AGMO: variants seen among roughly 807,000 people sequenced by gnomAD.
AGMO encodes the protein alkylglycerol monooxygenase.
AGMO carries 75 observed loss-of-function variants against 60.2 expected under a neutral mutation model. The ratio of observed to expected loss-of-function variants is 1.25; its 90% CI spans 1.03 to 1.51. The LOEUF is 1.51. Ranked by LOEUF, AGMO falls within the 40% of genes most tolerant of loss-of-function variation. The pLI, the probability that AGMO is intolerant of heterozygous loss-of-function variation, is 0.00. For synonymous variants in AGMO, 261 were observed against 177.1 expected, an observed-to-expected ratio of 1.47 and a Z score of -3.76; for missense variants, 763 against 525.5, an observed-to-expected ratio of 1.45 and a Z score of -4.42.
chr7:15,352,954 GCCA>G (rs1396085829), intron 12 of AGMO, among the ~76,000 whole-genome samples: 4 of 152,054 alleles, frequency 2.6e-5, no homozygotes, highest in Admixed American at 6.6e-5. Context: ...AAACGCAGCG[GCCA>G]TCTTGTTACT....
At chr7:15,233,739 G>A (rs754887231) in intron 12 of AGMO, among the ~76,000 whole-genome samples, 1 of 152,128 alleles carries the variant, frequency 6.6e-6, no homozygotes, top group Non-Finnish European at 1.5e-5. Flanking sequence ...CTGGTGAAAC[G>A]TAAGAATTTA....
intron 10 of AGMO, among the ~76,000 whole-genome samples, chr7:15,368,176 T>C (rs1783057679): frequency 6.6e-6 from 1 of 151,470 alleles, no homozygotes; most frequent in South Asian, 2.1e-4. Context: ...AGATACAGGA[T>C]GGGTGAGTCA....
chr7:15,431,484 C>T (rs988659417), intron 3 of AGMO, among the ~76,000 whole-genome samples: 6 of 151,588 alleles, frequency 4.0e-5, no homozygotes, highest in East Asian at 1.9e-4. Context: ...GATTTTTCAG[C>T]GTGTGATAAC....
At chr7:15,383,966 CGCTCTG>C (rs1783805519) in intron 10 of AGMO, among the ~76,000 whole-genome samples, 2 of 151,774 alleles carry the variant, frequency 1.3e-5, no homozygotes, top group Non-Finnish European at 2.9e-5. Flanking sequence ...GACTGAGTCT[CGCTCTG>C]TCCCCCAGGC....
chr7:15,376,114 C>T (rs769029580), intron 10 of AGMO, among the ~76,000 whole-genome samples: 9 of 152,026 alleles, frequency 5.9e-5, no homozygotes, highest in Non-Finnish European at 8.8e-5. Flanking sequence ...TAATAGTCTT[C>T]CGTTACTACA....
rs1164961835 is a variant in AGMO at position 15,322,649 on chromosome 7, AATATATAT to A, written c.1263+42857_1263+42864del. Among the ~76,000 whole-genome samples, 46 of 47,486 alleles carry A rather than the reference AATATATAT, an allele frequency of 9.7e-4. 5 individuals carry two copies. The highest frequency in any genetic ancestry group is 1.4e-3 in the Non-Finnish European group (41 of 29,234). The allele number at this position is 47,486 out of a possible 152,430, so 31.2% of individuals were successfully genotyped here. On this transcript the variant is annotated intron_variant, in intron 12 of 12. Transcript: ENST00000342526. The stretch of plus-strand genomic sequence containing the variant: ...ATATATAAATATATATAAATATATA[AATATATAT>A]ATAAATATATATAAATATATGTATA...
At chr7:15,554,353 G>A (rs1442452035) in intron 2 of AGMO, among the ~76,000 whole-genome samples, 1 of 151,982 alleles carries the variant, frequency 6.6e-6, no homozygotes, top group African/African-American at 2.4e-5. Context: ...GGAATACTGG[G>A]TAGCACAGGG....
At position 15,365,532 on chromosome 7, in the gene AGMO, T is replaced by C. The variant is rs1380318486; in HGVS notation, c.1245A>G (p.Ser415=). 2 of 1,612,226 alleles carry C rather than the reference T, an allele frequency of 1.2e-6. No individual in the cohort carries two copies. Among genetic ancestry groups the C allele is most frequent in the Non-Finnish European group, 8.5e-7 (1 of 1,178,730 alleles). The change falls in exon 12 of 13, where the codon TCA becomes TCG. Residue 415 remains serine (S), a synonymous_variant. Coordinates refer to ENST00000342526, the MANE Select transcript of AGMO (RefSeq NM_001004320.2). Reference sequence around the variant, plus strand: ...GTCTTACCTCAAAAGCAGATGACAATGAAGGGACAAGAGGCTTCAGGTGAC... The same window carrying C: ...GTCTTACCTCAAAAGCAGATGACAACGAAGGGACAAGAGGCTTCAGGTGAC... ...RFGHLKPLVP[S]LSSAFEIVFS... is the part of the protein sequence containing the mutation.
chr7:15,372,284 C>G (rs1221077599), intron 10 of AGMO, among the ~76,000 whole-genome samples: 2 of 151,926 alleles, frequency 1.3e-5, no homozygotes, highest in Non-Finnish European at 2.9e-5. Flanking sequence ...AATCCCGTCT[C>G]TACTAAAAAT....
chr7:15,378,993 C>G (rs1448654447), intron 10 of AGMO, among the ~76,000 whole-genome samples: 1 of 151,938 alleles, frequency 6.6e-6, no homozygotes, highest in African/African-American at 2.4e-5. Flanking sequence ...AACTGAATAA[C>G]CTGCTCCTGA....
rs946084097 is a variant in AGMO at position 15,446,112 on chromosome 7, T to C, written c.410-15004A>G. On this transcript the variant is annotated intron_variant, in intron 3 of 12. Coordinates refer to ENST00000342526, the MANE Select transcript of AGMO (RefSeq NM_001004320.2). ...ATTAAATTGCAAAATATTTAAAAGA[T>C]CATGAAGCAAAATATTGTCAAAGCC... Among the ~76,000 whole-genome samples, 6 of 152,154 alleles carry C rather than the reference T, an allele frequency of 3.9e-5. No individual in the cohort carries two copies. In the East Asian group the frequency reaches 1.2e-3, roughly 29 times the overall value.
chr7:15,451,926 C>A (rs1781865526), intron 3 of AGMO, among the ~76,000 whole-genome samples: 1 of 152,150 alleles, frequency 6.6e-6, no homozygotes, highest in Non-Finnish European at 1.5e-5. Flanking sequence ...ACACAACACT[C>A]AGCAGTGTAT....
intron 2 of AGMO, 111 bp downstream of exon 2, chr7:15,560,030 T>C: frequency 9.1e-7 from 1 of 1,098,996 alleles, no homozygotes; most frequent in South Asian, 2.5e-5. Context: ...ACTGAATTTT[T>C]TGGGAAAATT....
intron 12 of AGMO, among the ~76,000 whole-genome samples, chr7:15,219,757 A>G (rs1340695811): frequency 6.6e-6 from 1 of 152,174 alleles, no homozygotes; most frequent in East Asian, 1.9e-4. Flanking sequence ...GAGGGAAAGT[A>G]GTATTGGCTA....
chr7:15,120,997 C>T, the AGMO span, among the ~76,000 whole-genome samples: 3 of 151,830 alleles, frequency 2.0e-5, no homozygotes, highest in Non-Finnish European at 2.9e-5. Context: ...GACAGGCCAC[C>T]GTGTGTGATG....
At chr7:15,238,071 T>C (rs1361338680) in intron 12 of AGMO, among the ~76,000 whole-genome samples, 2 of 152,044 alleles carry the variant, frequency 1.3e-5, no homozygotes, top group African/African-American at 4.8e-5. Flanking sequence ...GCATTTCTAT[T>C]AATTTTCCCC....
At chr7:15,184,781 G>A in the AGMO span, among the ~76,000 whole-genome samples, 2 of 142,318 alleles carry the variant, frequency 1.4e-5, no homozygotes, top group Non-Finnish European at 3.1e-5. Context: ...TGGAGGGAAG[G>A]ATGGAAGGAA....
At chr7:15,265,272 G>A (rs997311627) in intron 12 of AGMO, among the ~76,000 whole-genome samples, 1 of 151,946 alleles carries the variant, frequency 6.6e-6, no homozygotes, top group African/African-American at 2.4e-5. Context: ...CAGACAATGG[G>A]GACTATTAGA....
rs1330692323 is a variant in AGMO at position 15,550,436 on chromosome 7, G to A, written c.258-5513C>T. 6.1e-3 allele frequency among the ~76,000 whole-genome samples: 927 copies of A among 151,862 alleles called. 14 individuals are homozygous for A. Among genetic ancestry groups the A allele is most frequent in the African/African-American group, 0.021 (880 of 41,290 alleles). ...GACCGCTAGCAAGACTAATAAAGAA[G>A]AAAAGAGAGAAGAATCAAATAGACA... On this transcript the variant is annotated intron_variant, in intron 2 of 12. Coordinates refer to ENST00000342526, the MANE Select transcript of AGMO (RefSeq NM_001004320.2).
Sources: allele counts gnomAD v4.1 joint callset (sites outside exome capture counted in the v4.1 genomes callset), GRCh38; gene constraint gnomAD v4.1.1; transcripts MANE v1.5; gene names NCBI Gene and HGNC (gene_info 2026-07-23, HGNC 2026-07-21).